The following ENPP6 variants were observed in gnomAD, a reference collection of about 807,000 sequenced individuals.
ENPP6 encodes glycerophosphocholine cholinephosphodiesterase ENPP6.
A neutral mutation model predicts 42.0 loss-of-function variants in ENPP6; 32 were observed. The ratio of observed to expected loss-of-function variants is 0.76; its 90% CI spans 0.58 to 1.02. The LOEUF (loss-of-function observed/expected upper bound fraction) is 1.02. Among genes scored for constraint, ENPP6 ranks in the 50% least tolerant of loss-of-function variants. ENPP6 has a pLI of 0.00. For synonymous variants in ENPP6, 213 were observed against 216.0 expected (o/e 0.99, Z 0.12); for missense variants, 552 against 566.8 (o/e 0.97, Z 0.27).
At chr4:184,146,987 T>A (rs1217288808) in intron 2 of ENPP6, among the ~76,000 whole-genome samples, 1 of 152,182 alleles carries the variant, frequency 6.6e-6, no homozygotes, top group African/African-American at 2.4e-5. Flanking sequence ...TGCATTGACC[T>A]CTGATGCGTC....
chr4:184,138,380 T>G (rs887411129), intron 2 of ENPP6, among the ~76,000 whole-genome samples: 16 of 152,254 alleles, frequency 1.1e-4, no homozygotes, highest in Non-Finnish European at 2.2e-4. Context: ...AGCTGACAAC[T>G]CAATTAAGTT....
intron 2 of ENPP6, among the ~76,000 whole-genome samples, chr4:184,127,285 G>T (rs1286331742): frequency 6.6e-6 from 1 of 151,354 alleles, no homozygotes; most frequent in Non-Finnish European, 1.5e-5. Flanking sequence ...GAAATGTCTA[G>T]AATAACCATT....
chr4:184,142,138 G>A (rs79626683), intron 2 of ENPP6, among the ~76,000 whole-genome samples: 3 of 152,074 alleles, frequency 2.0e-5, no homozygotes, highest in Non-Finnish European at 2.9e-5. Flanking sequence ...AAGGAGACTC[G>A]CTTCCTGGCA....
At chr4:184,189,581 T>C (rs551497142) in intron 1 of ENPP6, among the ~76,000 whole-genome samples, 3 of 152,154 alleles carry the variant, frequency 2.0e-5, no homozygotes, top group African/African-American at 4.8e-5. Context: ...CAGTCCTGCC[T>C]TTCCACGGAC....
At chr4:184,202,563 T>A (rs548139497) in intron 1 of ENPP6, among the ~76,000 whole-genome samples, 106 of 152,286 alleles carry the variant, frequency 7.0e-4, no homozygotes, top group African/African-American at 2.5e-3. Context: ...TCAGCACCCC[T>A]CCTTCTGACC....
intron 2 of ENPP6, among the ~76,000 whole-genome samples, chr4:184,140,690 T>G (rs554183162): frequency 2.1e-4 from 29 of 138,470 alleles, no homozygotes; most frequent in Admixed American, 1.5e-3. Flanking sequence ...TAGCCGTATG[T>G]AGAAAGCTGA....
intron 2 of ENPP6, among the ~76,000 whole-genome samples, chr4:184,130,419 G>A (rs1364098668): frequency 5.0e-5 from 6 of 121,008 alleles, no homozygotes; most frequent in Admixed American, 8.0e-5. Context: ...TTAGCCGGGC[G>A]TGGTGGTGGG....
At chr4:184,181,732 CA>C (rs1732556180) in intron 1 of ENPP6, among the ~76,000 whole-genome samples, 1 of 152,154 alleles carries the variant, frequency 6.6e-6, no homozygotes, top group Non-Finnish European at 1.5e-5. Flanking sequence ...TGATCTTTGA[CA>C]AACCTGACAA....
chr4:184,113,999 CTT>C (rs775062097), intron 5 of ENPP6, among the ~76,000 whole-genome samples: 1 of 132,340 alleles, frequency 7.6e-6, no homozygotes, highest in Admixed American at 8.4e-5. Context: ...GAGTTTTGCT[CTT>C]GTCACCCAGG....
intron 2 of ENPP6, among the ~76,000 whole-genome samples, chr4:184,124,556 C>T (rs551507565): frequency 3.3e-5 from 5 of 152,270 alleles, no homozygotes; most frequent in Admixed American, 3.3e-4. Flanking sequence ...AAACAAAACA[C>T]AATTAATCAA....
chr4:184,213,139 G>A lies in ENPP6; in HGVS notation c.241+4440C>T, dbSNP rs1330929232. Among the ~76,000 whole-genome samples, 6 of 151,964 alleles carry A rather than the reference G, an allele frequency of 3.9e-5. No individual in the cohort carries two copies. In the East Asian group the frequency reaches 9.6e-4, roughly 24 times the overall value. ...TAGACCTAAAACCATAAAAACCCTA[G>A]AAGAAAACCTAGGCATTGCCATTCA... On this transcript the variant is annotated intron_variant, in intron 1 of 7. Transcript: ENST00000296741.
chr4:184,130,682 A>G (rs1736589569), intron 2 of ENPP6, among the ~76,000 whole-genome samples: 1 of 150,608 alleles, frequency 6.6e-6, no homozygotes. Context: ...TCCAGTCTAA[A>G]CTACATTCTA....
chr4:184,166,482 T>A (rs943169650), intron 1 of ENPP6, among the ~76,000 whole-genome samples: 3 of 152,202 alleles, frequency 2.0e-5, no homozygotes, highest in Non-Finnish European at 2.9e-5. Context: ...CAAAAATAAT[T>A]TTCCTGCATA....
At chr4:184,147,995 G>A (rs944231271) in intron 2 of ENPP6, among the ~76,000 whole-genome samples, 2 of 151,990 alleles carry the variant, frequency 1.3e-5, no homozygotes, top group African/African-American at 2.4e-5. Flanking sequence ...CCATCCCCTC[G>A]TGTCACTTTC....
chr4:184,132,824 C>T (rs1464731846), intron 2 of ENPP6, among the ~76,000 whole-genome samples: 19 of 16,432 alleles, frequency 1.2e-3, no homozygotes, highest in Middle Eastern at 0.031. Context: ...TATATACACA[C>T]ACACACACAC....
chr4:184,140,979 G>A (rs530828505), intron 2 of ENPP6, among the ~76,000 whole-genome samples: 10 of 132,096 alleles, frequency 7.6e-5, no homozygotes, highest in South Asian at 2.9e-4. Flanking sequence ...GAAAATTTTC[G>A]CAACCTACTC....
chr4:184,190,813 T>C (rs1030471447), intron 1 of ENPP6, among the ~76,000 whole-genome samples: 4 of 152,080 alleles, frequency 2.6e-5, no homozygotes, highest in South Asian at 2.1e-4. Flanking sequence ...ATGTGACTTA[T>C]CAAAAGAGGC....
chr4:184,152,927 G>GTTTT (rs35794133), intron 2 of ENPP6, among the ~76,000 whole-genome samples: 5 of 146,626 alleles, frequency 3.4e-5, no homozygotes, highest in East Asian at 4.0e-4. Context: ...ATGGTACACT[G>GTTTT]TTTTTTTTTT....
chr4:184,202,859 T>A (rs1405701627), intron 1 of ENPP6, among the ~76,000 whole-genome samples: 1 of 152,222 alleles, frequency 6.6e-6, no homozygotes, highest in Non-Finnish European at 1.5e-5. Flanking sequence ...ATGTACACTC[T>A]TACTAATGGT....
Sources: gnomAD v4.1 joint callset for allele counts (sites outside exome capture counted in the v4.1 genomes callset) on GRCh38, gnomAD v4.1.1 for gene constraint, MANE v1.5 for transcripts, NCBI Gene and HGNC (gene_info 2026-07-23, HGNC 2026-07-21) for gene names.